SLA: variants seen among roughly 807,000 people sequenced by gnomAD.
SLA encodes the protein src-like-adapter.
In SLA, 16 loss-of-function variants were observed where a neutral mutation model predicts 30.3. That is an observed-to-expected ratio of 0.53 (90% CI 0.36 to 0.80). SLA has a LOEUF of 0.80. SLA is among the 30% of genes least tolerant of loss of function. The probability of loss-of-function intolerance (pLI) is 0.01; values close to 1 mark genes in which losing one functional copy is unlikely to be tolerated. For missense variants in SLA, 310 were observed against 345.2 expected, an observed-to-expected ratio of 0.90 and a Z score of 0.81; for synonymous variants, 143 against 137.8, an observed-to-expected ratio of 1.04 and a Z score of -0.26.
At chr8:133,063,452 ATTC>A (rs1488445305) in intron 2 of SLA, 1 of 151,930 alleles carries the variant, frequency 6.6e-6, no homozygotes, top group Non-Finnish European at 1.5e-5. Context: ...CAGCTCTATC[ATTC>A]TTCTCAAGCA....
chr8:133,055,431 TCA>T (rs1841262425), intron 3 of SLA, among the ~76,000 whole-genome samples: 1 of 146,684 alleles, frequency 6.8e-6, no homozygotes, highest in Non-Finnish European at 1.5e-5. Context: ...AACTAACCAA[TCA>T]CACAGAGCTG....
intron 1 of SLA, among the ~76,000 whole-genome samples, chr8:133,099,230 C>G (rs555257690): frequency 2.0e-5 from 3 of 152,328 alleles, no homozygotes; most frequent in African/African-American, 7.2e-5. Flanking sequence ...ACACCAATCA[C>G]AGGGCAGTGT....
chr8:133,095,234 A>T (rs1243048958), intron 1 of SLA: 1 of 1,614,096 alleles, frequency 6.2e-7, no homozygotes, highest in East Asian at 2.2e-5. Flanking sequence ...CAAGTTGGGA[A>T]GGGACATTCT....
At chr8:133,049,822 T>C (rs1840073791) in intron 5 of SLA, 80 bp downstream of exon 5, 2 of 957,542 alleles carry the variant, frequency 2.1e-6, no homozygotes, top group Admixed American at 1.7e-5. Flanking sequence ...CCACTATGAA[T>C]GCTGGAATCT....
intron 4 of SLA, chr8:133,050,573 G>A (rs1840216908): frequency 2.3e-6 from 1 of 442,036 alleles, no homozygotes; most frequent in Non-Finnish European, 4.0e-6. Flanking sequence ...GGATCATAAA[G>A]GATCTCAAAA....
intron 1 of SLA, chr8:133,096,522 G>A: frequency 1.0e-6 from 1 of 964,458 alleles, no homozygotes; most frequent in Non-Finnish European, 1.6e-6. Context: ...TGGTAATGGG[G>A]GGATTTAGAA....
At chr8:133,066,242 C>T (rs761830475) in intron 2 of SLA, among the ~76,000 whole-genome samples, 2 of 145,940 alleles carry the variant, frequency 1.4e-5, no homozygotes, top group Non-Finnish European at 3.0e-5. Context: ...AAGAGAACGG[C>T]GTGAACCCAG....
chr8:133,089,894 A>T (rs985039374), intron 1 of SLA: 1 of 152,084 alleles, frequency 6.6e-6, no homozygotes, highest in Non-Finnish European at 1.5e-5. Flanking sequence ...TCAAGTCCTG[A>T]TGATTCTCTG....
At chr8:133,072,275 A>G (rs1391353564) in intron 2 of SLA, among the ~76,000 whole-genome samples, 1 of 152,224 alleles carries the variant, frequency 6.6e-6, no homozygotes, top group Non-Finnish European at 1.5e-5. Context: ...TAGAATTACC[A>G]TAATCAAATT....
chr8:133,047,939 A>G lies in SLA; in HGVS notation c.249-6T>C, dbSNP rs1425112634. 1 of 1,581,126 alleles carries G rather than the reference A, an allele frequency of 6.3e-7. No individual in the cohort carries two copies. Among genetic ancestry groups the G allele is most frequent in the Admixed American group, 1.7e-5 (1 of 59,792 alleles). ...CCAGGCCCTCAAACAGCCAGCTGGG[A>G]AGGAGGAAGACAGCCATTAGGATCC... On this transcript the variant is annotated splice_region_variant and splice_polypyrimidine_tract_variant and intron_variant, in intron 5 of 8. Coordinates refer to ENST00000338087, the MANE Select transcript of SLA (RefSeq NM_001045556.3).
At chr8:133,071,250 G>A (rs139044879) in intron 2 of SLA, among the ~76,000 whole-genome samples, 141 of 152,316 alleles carry the variant, frequency 9.3e-4, no homozygotes, top group African/African-American at 3.3e-3. Flanking sequence ...GCATCATTAC[G>A]CTGAGGCCTT....
intron 2 of SLA, among the ~76,000 whole-genome samples, chr8:133,073,676 A>T (rs59056866): frequency 2.0e-5 from 3 of 152,172 alleles, no homozygotes; most frequent in Non-Finnish European, 4.4e-5. Context: ...AGCAAACCAC[A>T]CAATGACAAT....
In SLA at chr8:133,096,117, A is replaced by G; in HGVS notation, c.-319+6436T>C. 1.5e-5 allele frequency: 22 copies of G among 1,491,910 alleles called. No homozygotes were observed. In the South Asian group the frequency reaches 2.1e-4, roughly 15 times the overall value. The allele number at this position is 1,491,910 out of a possible 1,614,324, so 92.4% of individuals were successfully genotyped here. A position where few individuals can be genotyped will look rare whatever the true frequency, so the allele number is the denominator to read the frequency against. On this transcript the variant is annotated intron_variant, in intron 1 of 8. Coordinates refer to ENST00000338087, the MANE Select transcript of SLA (RefSeq NM_001045556.3). Reference sequence around the variant, plus strand: ...GTAGAGTCATAGATGGATAACCAGTATTGGCATTCAGTATGGTTAAGACCT... The same window carrying G: ...GTAGAGTCATAGATGGATAACCAGTGTTGGCATTCAGTATGGTTAAGACCT...
At chr8:133,040,218 C>A in intron 7 of SLA, 88 bp from the exon 8 acceptor site, 2 of 1,413,798 alleles carry the variant, frequency 1.4e-6, no homozygotes, top group Non-Finnish European at 1.9e-6. Flanking sequence ...TCCAGTGCAG[C>A]TCCCTGGCTG....
intron 2 of SLA, among the ~76,000 whole-genome samples, chr8:133,063,044 G>T (rs1353529904): frequency 1.3e-5 from 2 of 152,188 alleles, no homozygotes; most frequent in African/African-American, 4.8e-5. Context: ...AGGCCTTTGG[G>T]CTTCTGGGGA....
At chr8:133,093,776 C>T (rs1440666434) in intron 1 of SLA, among the ~76,000 whole-genome samples, 3 of 152,178 alleles carry the variant, frequency 2.0e-5, no homozygotes, top group African/African-American at 7.2e-5. Flanking sequence ...TATGAAAGGC[C>T]ACTTCACAGT....
At chr8:133,044,880 G>T in intron 7 of SLA, 104 bp downstream of exon 7, 1 of 1,109,044 alleles carries the variant, frequency 9.0e-7, no homozygotes, top group Non-Finnish European at 1.4e-6. Context: ...AGGCAGCATA[G>T]GCAGTAAGCA....
At chr8:133,094,480 TC>T in intron 1 of SLA, 1 of 176,800 alleles carries the variant, frequency 5.7e-6, no homozygotes, top group Admixed American at 5.4e-5. Flanking sequence ...GACCTTGTGA[TC>T]CGCCCACCTC....
At chr8:133,067,827 G>A (rs143964817) in intron 2 of SLA, among the ~76,000 whole-genome samples, 2 of 146,714 alleles carry the variant, frequency 1.4e-5, no homozygotes, top group Non-Finnish European at 3.0e-5. Flanking sequence ...GAAGGAAGGG[G>A]GAGAGAGAGA....
Sources: allele counts gnomAD v4.1 joint callset (sites outside exome capture counted in the v4.1 genomes callset), GRCh38; gene constraint gnomAD v4.1.1; transcripts MANE v1.5; gene names NCBI Gene and HGNC (gene_info 2026-07-23, HGNC 2026-07-21).